The following ATP8B4 variants were observed in gnomAD, a reference collection of about 807,000 sequenced individuals.
ATP8B4 encodes probable phospholipid-transporting ATPase IM.
Under a neutral mutation model 145.6 loss-of-function variants are expected in ATP8B4, and 133 were observed. That is an observed-to-expected ratio of 0.91 (90% confidence interval 0.79 to 1.05). The LOEUF is 1.05. Ranked by LOEUF, ATP8B4 falls within the 50% of genes least tolerant of loss-of-function variation. The pLI, the probability that ATP8B4 is intolerant of heterozygous loss-of-function variation, is 0.00. For missense variants in ATP8B4, 1,458 were observed against 1,425.2 expected, an observed-to-expected ratio of 1.02 and a Z score of -0.37; for synonymous variants, 507 against 492.9, an observed-to-expected ratio of 1.03 and a Z score of -0.38.
intron 1 of ATP8B4, among the ~76,000 whole-genome samples, chr15:50,127,874 CA>C (rs1235804750): frequency 6.6e-6 from 1 of 152,160 alleles, no homozygotes; most frequent in Non-Finnish European, 1.5e-5. Flanking sequence ...TTCAGATGAA[CA>C]ATACCAAGGT....
At chr15:50,027,871 GA>G (rs1319840491) in intron 6 of ATP8B4, among the ~76,000 whole-genome samples, 1 of 152,148 alleles carries the variant, frequency 6.6e-6, no homozygotes, top group Non-Finnish European at 1.5e-5. Context: ...AAATGACTTT[GA>G]ACTCAACAAC....
intron 14 of ATP8B4, among the ~76,000 whole-genome samples, chr15:49,956,665 T>C (rs7174815): frequency 0.5 from 75,407 of 151,920 alleles, 19,629 homozygotes; most frequent in Non-Finnish European, 0.57. Context: ...TCTCAGCCTC[T>C]CAAGTGTCTA....
At chr15:50,012,734 T>C (rs2048811782) in intron 6 of ATP8B4, among the ~76,000 whole-genome samples, 2 of 152,132 alleles carry the variant, frequency 1.3e-5, no homozygotes, top group Non-Finnish European at 1.5e-5. Flanking sequence ...ACTCTACAAA[T>C]GTAACTAGAG....
chr15:49,961,005 C>T (rs931251101), intron 14 of ATP8B4, among the ~76,000 whole-genome samples: 3 of 151,866 alleles, frequency 2.0e-5, no homozygotes, highest in East Asian at 1.9e-4. Context: ...TGGTGGCGGG[C>T]GCCTGTAGTC....
intron 17 of ATP8B4, chr15:49,922,223 C>T (rs1340332132): frequency 5.6e-6 from 1 of 178,502 alleles, no homozygotes; most frequent in Non-Finnish European, 1.2e-5. Flanking sequence ...ATTTATATTA[C>T]CTGAAAAAAA....
At position 49,898,201 on chromosome 15, in the gene ATP8B4, G is replaced by GC; in HGVS notation, c.2339dup (p.Cys780TrpfsTer4). 2 of 1,613,820 alleles carry GC rather than the reference G, an allele frequency of 1.2e-6. No homozygotes were observed. Among genetic ancestry groups the GC allele is most frequent in the Non-Finnish European group, 8.5e-7 (1 of 1,179,860 alleles). ...TGCAGCAAATTACAGTCTTACACATGCAAGCAAGTTCTAGGAGATCATTCT... is the reference window on the plus strand; with the variant it reads ...TGCAGCAAATTACAGTCTTACACATGCCAAGCAAGTTCTAGGAGATCATTCT... On this transcript the variant is annotated frameshift_variant, in exon 22 of 28. Transcript: ENST00000284509. LOFTEE classifies it high-confidence loss of function.
chr15:50,040,091 T>A (rs771872825), intron 5 of ATP8B4, among the ~76,000 whole-genome samples: 1 of 152,312 alleles, frequency 6.6e-6, no homozygotes, highest in Non-Finnish European at 1.5e-5. Flanking sequence ...CTCCACCATA[T>A]CTACACAGCA....
intron 14 of ATP8B4, among the ~76,000 whole-genome samples, chr15:49,950,199 C>T (rs561650346): frequency 4.6e-5 from 7 of 152,208 alleles, no homozygotes; most frequent in South Asian, 2.1e-4. Context: ...GGAGTCCCTC[C>T]TTTTCAATTG....
intron 2 of ATP8B4, among the ~76,000 whole-genome samples, chr15:50,086,103 A>G (rs1270297373): frequency 8.7e-6 from 1 of 114,288 alleles, no homozygotes; most frequent in African/African-American, 3.6e-5. Flanking sequence ...TATATATAAT[A>G]AAATAAATAT....
At chr15:49,873,078 C>T (rs184681317) in intron 25 of ATP8B4, among the ~76,000 whole-genome samples, 305 of 152,184 alleles carry the variant, frequency 2.0e-3, no homozygotes, top group Admixed American at 5.6e-3. Flanking sequence ...AAGATGTATT[C>T]ATTATTTCCC....
At chr15:50,020,323 G>A (rs1357940804) in intron 6 of ATP8B4, among the ~76,000 whole-genome samples, 1 of 150,268 alleles carries the variant, frequency 6.7e-6, no homozygotes, top group Non-Finnish European at 1.5e-5. Context: ...AGGATGGAGT[G>A]CAATGGCACA....
chr15:50,132,634 C>T (rs1366902372), intron 1 of ATP8B4, among the ~76,000 whole-genome samples: 1 of 152,216 alleles, frequency 6.6e-6, no homozygotes, highest in African/African-American at 2.4e-5. Flanking sequence ...GATTATAAAT[C>T]ATTCTACTAT....
intron 1 of ATP8B4, among the ~76,000 whole-genome samples, chr15:50,150,219 C>T (rs898802788): frequency 1.3e-5 from 2 of 152,126 alleles, no homozygotes; most frequent in African/African-American, 4.8e-5. Context: ...GGCAAATGTC[C>T]ACATAAAAGT....
intron 5 of ATP8B4, among the ~76,000 whole-genome samples, chr15:50,043,481 CCT>C (rs1567252013): frequency 6.6e-6 from 1 of 151,986 alleles, no homozygotes; most frequent in East Asian, 1.9e-4. Flanking sequence ...TTCTGCAACC[CCT>C]GAGACAGTAA....
chr15:49,868,390 G>C (rs2033146222), intron 25 of ATP8B4, among the ~76,000 whole-genome samples: 1 of 152,146 alleles, frequency 6.6e-6, no homozygotes, highest in African/African-American at 2.4e-5. Context: ...AAGCTAAAAA[G>C]TATAACATCT....
upstream of ATP8B4, among the ~76,000 whole-genome samples, chr15:50,123,321 G>A (rs2057285587): frequency 6.6e-6 from 1 of 152,140 alleles, no homozygotes; most frequent in South Asian, 2.1e-4. Flanking sequence ...CAACAAAGAT[G>A]GTAACAGCCC....
At chr15:50,032,761 G>A (rs1051848101) in intron 6 of ATP8B4, among the ~76,000 whole-genome samples, 4 of 152,090 alleles carry the variant, frequency 2.6e-5, no homozygotes, top group Non-Finnish European at 5.9e-5. Flanking sequence ...AGTAGAAGCA[G>A]AAGGATAAAA....
intron 9 of ATP8B4, among the ~76,000 whole-genome samples, chr15:49,991,035 C>T (rs919282509): frequency 6.6e-6 from 1 of 152,058 alleles, no homozygotes; most frequent in African/African-American, 2.4e-5. Context: ...AATGGCATGT[C>T]GGCACCAGCA....
Position 49,876,393 on chromosome 15 carries a change from A to C in ATP8B4, c.2912T>G (p.Phe971Cys). The change falls in exon 25 of 28, where the codon TTC (phenylalanine) becomes TGC (cysteine). Residue 971 changes from phenylalanine to cysteine, a missense_variant. Physicochemically the swap from Phe to Cys is radical, Grantham distance 205. Transcript: ENST00000284509. ...HGIYTSLVLF[F>C]IPYGAFYNVA... The stretch of plus-strand genomic sequence containing the variant: ...GTTGTAAAAGGCCCCATAGGGGATG[A>C]AGAAAAGGACTAATGAGGTGTAGAT... 1 of 1,614,130 alleles carries C rather than the reference A, an allele frequency of 6.2e-7. No homozygotes were observed. The highest frequency in any genetic ancestry group is 1.3e-5 in the African/African-American group (1 of 75,068).
Sources: allele counts gnomAD v4.1 joint callset (sites outside exome capture counted in the v4.1 genomes callset), GRCh38; gene constraint gnomAD v4.1.1; transcripts MANE v1.5; gene names NCBI Gene and HGNC (gene_info 2026-07-23, HGNC 2026-07-21).